Variants in C16orf95 observed in about 807,000 individuals in gnomAD.
C16orf95 encodes the protein uncharacterized protein C16orf95.
C16orf95 carries 41 observed loss-of-function variants against 32.1 expected under a neutral mutation model. The observed-to-expected ratio is 1.28, with a 90% CI of 1.00 to 1.66. The LOEUF (loss-of-function observed/expected upper bound fraction) is 1.66, where lower values mean the gene tolerates loss of function less well. Among genes scored for constraint, C16orf95 ranks in the 40% most tolerant of loss-of-function variants. The pLI, the probability that C16orf95 is intolerant of heterozygous loss-of-function variation, is 0.00. For synonymous variants in C16orf95, 147 were observed against 128.9 expected (o/e 1.14, Z -0.95); for missense variants, 399 against 325.9 (o/e 1.22, Z -1.73).
intron 5 of C16orf95, among the ~76,000 whole-genome samples, chr16:87,307,715 G>A (rs1911089242): frequency 6.6e-6 from 1 of 152,154 alleles, no homozygotes; most frequent in South Asian, 2.1e-4. Context: ...CCGAGATCAC[G>A]TCATTGCACT....
intron 1 of C16orf95, 122 bp from the exon 2 acceptor site, chr16:87,315,945 G>A: frequency 1.9e-6 from 1 of 531,602 alleles, no homozygotes; most frequent in Non-Finnish European, 3.1e-6. Context: ...CGGGTGGTGG[G>A]GATGGGGGGA....
rs1180569749 is a variant in C16orf95, at chr16:87,310,285, C to T, written c.514+12G>A. 2.0e-6 allele frequency: 3 copies of T among 1,536,110 alleles called. No homozygotes were observed. The Admixed American group carries it at 5.9e-5, about 30-fold the overall frequency. On this transcript the variant is annotated intron_variant, in intron 5 of 6. Coordinates refer to ENST00000567970, the MANE Select transcript of C16orf95 (RefSeq NM_001195124.3). The stretch of plus-strand genomic sequence containing the variant: ...AGGGGGATGATATGAGACACACACA[C>T]ACTGGAGTTACCTTGGATGCCTTTC...
intron 3 of C16orf95, among the ~76,000 whole-genome samples, chr16:87,313,554 TGAG>T (rs1364539236): frequency 6.6e-6 from 1 of 152,062 alleles, no homozygotes; most frequent in East Asian, 1.9e-4. Context: ...GGCAACATAG[TGAG>T]ACCTCATCTC....
chr16:87,303,219 A>AGGGGTGCAGGGATGAGGGGT (rs1910845016), intron 6 of C16orf95, 144 bp from the exon 7 acceptor site: 1 of 789,916 alleles, frequency 1.3e-6, no homozygotes, highest in African/African-American at 1.7e-5. Context: ...CAGGCAGGGA[A>AGGGGTGCAGGGATGAGGGGT]GGGGTGCAGG....
chr16:87,303,519 T>C (rs1267342574), intron 6 of C16orf95: 1 of 175,466 alleles, frequency 5.7e-6, no homozygotes, highest in African/African-American at 2.3e-5. Context: ...GTTGGTGGCT[T>C]GGGGCATCTC....
intron 5 of C16orf95, 137 bp from the exon 6 acceptor site, chr16:87,306,042 A>C: frequency 1.7e-6 from 1 of 588,390 alleles, no homozygotes; most frequent in Non-Finnish European, 2.7e-6. Context: ...CGGGGTGGGG[A>C]CACTGACCCG....
rs867565673 is a variant in C16orf95 at position 87,305,077 on chromosome 16, G to A, written c.701+642C>T. On this transcript the variant is annotated intron_variant, in intron 6 of 6. Coordinates refer to ENST00000567970, the MANE Select transcript of C16orf95 (RefSeq NM_001195124.3). This position sits in a 1 kb window ranked among gnomAD's most constrained non-coding sequence, Gnocchi z 4.2. ...AGAGAGGCTTTGCAGAGGAGCCACC[G>A]CCTAGGCCGAGAGTAAAGGAGTAAG... Among the ~76,000 whole-genome samples, 1 of 152,168 alleles carries A rather than the reference G, an allele frequency of 6.6e-6. No individual in the cohort carries two copies. Among genetic ancestry groups the A allele is most frequent in the Non-Finnish European group, 1.5e-5 (1 of 68,032 alleles).
In C16orf95 at chr16:87,315,799, C is replaced by T. The variant is rs1262813420; in HGVS notation, c.177G>A (p.Lys59=). The change falls in exon 2 of 7, where the codon AAG becomes AAA. Residue 59 remains lysine (K), a synonymous_variant. Coordinates refer to ENST00000567970, the MANE Select transcript of C16orf95 (RefSeq NM_001195124.3). ...AATGACGGGGGAGGCACACTTCTTTCTTGTAGGTTTGAAATGTGCTATTCC... is the reference window on the plus strand; with the variant it reads ...AATGACGGGGGAGGCACACTTCTTTTTTGTAGGTTTGAAATGTGCTATTCC... ...DGRNSTFQTY[K]KEVCLPRHSM... The T allele has an allele frequency of 6.5e-7, 1 of 1,531,064 alleles. No homozygotes were observed. The highest frequency in any genetic ancestry group is 1.2e-5 in the South Asian group (1 of 83,050). 94.8% of individuals were successfully genotyped at this position (1,531,064 alleles called of 1,614,324 possible).
Position 87,315,626 on chromosome 16 carries a change from G to A in C16orf95, c.204+146C>T, listed in dbSNP as rs1248170729. 2.3e-5 allele frequency: 14 copies of A among 602,440 alleles called. No homozygotes were observed. The Middle Eastern group carries it at 1.3e-3, about 58-fold the overall frequency. 37.3% of individuals were successfully genotyped at this position (602,440 alleles called of 1,614,324 possible). ...TGAGGGCCTGGGAGGTGTTCTGGAG[G>A]CCCAGGGATAGCTCCTGCAACCACA... On this transcript the variant is annotated intron_variant, in intron 2 of 6. Transcript: ENST00000567970.
chr16:87,317,344 C>T lies in C16orf95; in HGVS notation c.-102G>A, dbSNP rs1904399126. 6 of 1,429,098 alleles carry T rather than the reference C, an allele frequency of 4.2e-6. No individual in the cohort carries two copies. The highest frequency in any genetic ancestry group is 2.7e-5 in the East Asian group (1 of 37,316). The allele number at this position is 1,429,098 out of a possible 1,614,324, so 88.5% of individuals were successfully genotyped here. On this transcript the variant is annotated 5_prime_UTR_variant, in exon 1 of 7. Coordinates refer to ENST00000567970, the MANE Select transcript of C16orf95 (RefSeq NM_001195124.3). ...CTCCTGCCCCAGGAGGAACCCAACC[C>T]GAGCTCAACCCCAGCCCCAACCTCA...
intron 2 of C16orf95, among the ~76,000 whole-genome samples, chr16:87,315,459 A>T (rs1904312885): frequency 6.6e-6 from 1 of 152,196 alleles, no homozygotes; most frequent in South Asian, 2.1e-4. Flanking sequence ...CTGGTGTGCA[A>T]GAGCTTCCAC....
intron 5 of C16orf95, among the ~76,000 whole-genome samples, chr16:87,307,420 G>T (rs1374833318): frequency 3.9e-5 from 6 of 151,956 alleles, no homozygotes; most frequent in Admixed American, 3.9e-4. Context: ...ACTTAACTAT[G>T]AATACATAAA....
At chr16:87,307,059 G>C (rs1398946192) in intron 5 of C16orf95, among the ~76,000 whole-genome samples, 1 of 152,140 alleles carries the variant, frequency 6.6e-6, no homozygotes. Flanking sequence ...CCCGACCCCT[G>C]CCTCTGGGGG....
In C16orf95 at chr16:87,302,875, C is replaced by A; in HGVS notation, c.*182G>T. ...CATAACAGAAACTCACCCACATTCACATGAACTTTGCTACAACCAAGAATC... is the reference window on the plus strand; with the variant it reads ...CATAACAGAAACTCACCCACATTCAAATGAACTTTGCTACAACCAAGAATC... On this transcript the variant is annotated 3_prime_UTR_variant, in exon 7 of 7. Coordinates refer to ENST00000567970, the MANE Select transcript of C16orf95 (RefSeq NM_001195124.3). The A allele has an allele frequency of 1.5e-6, 1 of 654,532 alleles. No individual in the cohort carries two copies. The highest frequency in any genetic ancestry group is 2.7e-6 in the Non-Finnish European group (1 of 370,590). The allele number at this position is 654,532 out of a possible 1,614,324, so 40.5% of individuals were successfully genotyped here. A position where few individuals can be genotyped will look rare whatever the true frequency, so the allele number is the denominator to read the frequency against.
chr16:87,314,981 G>C lies in C16orf95; in HGVS notation c.320C>G (p.Pro107Arg). ...LPYWVPLSLR[P>R]RKQSQKTVQF... ...GTTCAAGTCACCTACCTGCTTTCGG[G>C]GTCTCAGGGACAGAGGGACCCAGTA... The change falls in exon 3 of 7, where the codon CCC becomes CGC. Residue 107 changes from proline to arginine, a missense_variant. By Grantham distance (103) the Pro-to-Arg change is moderately radical. Coordinates refer to ENST00000567970, the MANE Select transcript of C16orf95 (RefSeq NM_001195124.3). 1 of 1,535,928 alleles carries C rather than the reference G, an allele frequency of 6.5e-7. No homozygotes were observed. Among genetic ancestry groups the C allele is most frequent in the Non-Finnish European group, 8.7e-7 (1 of 1,146,820 alleles).
intron 5 of C16orf95, among the ~76,000 whole-genome samples, chr16:87,309,720 C>A (rs1297941999): frequency 6.6e-6 from 1 of 152,064 alleles, no homozygotes; most frequent in East Asian, 1.9e-4. Flanking sequence ...TTCAAGGCCC[C>A]TCACATGAAT....
Position 87,317,111 on chromosome 16 carries a change from TGTGA to T in C16orf95, c.128_131del (p.Leu43HisfsTer62), listed in dbSNP as rs1212512699. ...CTTGCCTGCCATCCTGCGCGCTGGG[TGTGA>T]GTGCCAACCTGCAGAGCCCGACGCA... On this transcript the variant is annotated frameshift_variant, in exon 1 of 7. Transcript: ENST00000567970. LOFTEE classifies it high-confidence loss of function. 3.3e-5 allele frequency: 50 copies of T among 1,529,358 alleles called. No individual in the cohort carries two copies. Among genetic ancestry groups the T allele is most frequent in the Non-Finnish European group, 4.2e-5 (48 of 1,142,922 alleles). The allele number at this position is 1,529,358 out of a possible 1,614,324, so 94.7% of individuals were successfully genotyped here. A position where few individuals can be genotyped will look rare whatever the true frequency, so the allele number is the denominator to read the frequency against.
At chr16:87,310,199 G>C in intron 5 of C16orf95, 98 bp downstream of exon 5, 1 of 1,196,034 alleles carries the variant, frequency 8.4e-7, no homozygotes, top group Non-Finnish European at 1.2e-6. Context: ...GTGGGCAGGT[G>C]TCTGGTGATG....
intron 2 of C16orf95, 24 bp downstream of exon 2, chr16:87,315,748 T>C (rs199777253): frequency 2.0e-6 from 3 of 1,520,556 alleles, no homozygotes; most frequent in South Asian, 1.2e-5. Flanking sequence ...TCAGGGCCAG[T>C]GGCTGAGGAT....
Sources: allele counts gnomAD v4.1 joint callset (sites outside exome capture counted in the v4.1 genomes callset), GRCh38; gene constraint gnomAD v4.1.1; non-coding constraint Gnocchi (gnomAD v3.1); transcripts MANE v1.5; gene names NCBI Gene and HGNC (gene_info 2026-07-23, HGNC 2026-07-21).